Variants in SLC9A2 observed in about 807,000 individuals in gnomAD.
SLC9A2 encodes the protein sodium/hydrogen exchanger 2.
Under a neutral mutation model 71.7 loss-of-function variants are expected in SLC9A2, and 42 were observed. The ratio of observed to expected loss-of-function variants is 0.59; its 90% CI spans 0.46 to 0.76. The LOEUF is 0.76. SLC9A2 is among the 30% of genes least tolerant of loss of function. The pLI is 0.00. For synonymous variants in SLC9A2, 396 were observed against 392.5 expected (o/e 1.01, Z -0.10); for missense variants, 829 against 1,017.4 (o/e 0.81, Z 2.52).
intron 7 of SLC9A2, among the ~76,000 whole-genome samples, chr2:102,697,842 G>A (rs948471705): frequency 2.6e-5 from 4 of 151,798 alleles, no homozygotes; most frequent in African/African-American, 7.3e-5. Flanking sequence ...TCCTTATGCT[G>A]TGGATTTCCA....
intron 1 of SLC9A2, among the ~76,000 whole-genome samples, chr2:102,648,699 C>A (rs1222063323): frequency 6.6e-6 from 1 of 152,112 alleles, no homozygotes; most frequent in African/African-American, 2.4e-5. Context: ...CAATAATAGA[C>A]AGAGAGCCAA....
chr2:102,620,880 TA>T (rs1295933936), intron 1 of SLC9A2, among the ~76,000 whole-genome samples: 5 of 151,458 alleles, frequency 3.3e-5, no homozygotes, highest in Admixed American at 2.0e-4. Context: ...AGTACAAAAA[TA>T]AAAAATTGGC....
intron 1 of SLC9A2, among the ~76,000 whole-genome samples, chr2:102,651,874 A>T (rs1031112347): frequency 6.6e-6 from 1 of 152,166 alleles, no homozygotes; most frequent in African/African-American, 2.4e-5. Flanking sequence ...AATATTCTTG[A>T]TGTATAAAGG....
At chr2:102,633,390 C>T (rs997043968) in intron 1 of SLC9A2, among the ~76,000 whole-genome samples, 9 of 152,088 alleles carry the variant, frequency 5.9e-5, no homozygotes, top group Non-Finnish European at 1.2e-4. Flanking sequence ...GGTGTGGTCT[C>T]CAGCACACTT....
At chr2:102,625,326 T>C (rs558605489) in intron 1 of SLC9A2, among the ~76,000 whole-genome samples, 55 of 152,332 alleles carry the variant, frequency 3.6e-4, no homozygotes, top group African/African-American at 1.1e-3. Flanking sequence ...ATTTTTTAAA[T>C]TTTTTAAAAT....
At chr2:102,656,254 C>T (rs181123828) in intron 1 of SLC9A2, among the ~76,000 whole-genome samples, 378 of 152,294 alleles carry the variant, frequency 2.5e-3, no homozygotes, top group African/African-American at 8.8e-3. Context: ...CCCTACAGGC[C>T]TCCTCCTAAC....
chr2:102,661,520 AT>A (rs1011888296), intron 2 of SLC9A2, among the ~76,000 whole-genome samples: 1 of 151,474 alleles, frequency 6.6e-6, no homozygotes, highest in African/African-American at 2.4e-5. Flanking sequence ...TTACCTGAAC[AT>A]TTTTTTTTCT....
chr2:102,646,423 T>C (rs1245861495), intron 1 of SLC9A2, among the ~76,000 whole-genome samples: 1 of 152,150 alleles, frequency 6.6e-6, no homozygotes, highest in Non-Finnish European at 1.5e-5. Context: ...ACTAGCATCA[T>C]GATGACAGGA....
At chr2:102,629,680 T>A (rs1676320559) in intron 1 of SLC9A2, among the ~76,000 whole-genome samples, 1 of 152,134 alleles carries the variant, frequency 6.6e-6, no homozygotes, top group South Asian at 2.1e-4. Context: ...TTCTTATTTG[T>A]TTTTCATACA....
Position 102,695,043 on chromosome 2 carries a change from T to C in SLC9A2, c.1516T>C (p.Leu506=), listed in dbSNP as rs750216724. 19 of 1,613,348 alleles carry C rather than the reference T, an allele frequency of 1.2e-5. No individual in the cohort carries two copies. The Admixed American group carries it at 2.2e-4, about 18-fold the overall frequency. Residue 506 remains leucine (L), a splice_region_variant and synonymous_variant, in exon 7 of 12, where the codon TTG becomes CTG. Coordinates refer to ENST00000233969, the MANE Select transcript of SLC9A2 (RefSeq NM_003048.6). ...QAVSEEIYCR[L]FDHVKTGIED... is the part of the protein sequence containing the mutation. ...AATTTGCCTGCTTTTTCTGTTTTAG[T>C]TGTTTGATCATGTGAAGACTGGAAT...
Position 102,647,729 on chromosome 2 carries a change from C to G in SLC9A2, c.290-9835C>G, listed in dbSNP as rs186183776. Among the ~76,000 whole-genome samples, 293 of 152,246 alleles carry G rather than the reference C, an allele frequency of 1.9e-3. 1 individual carries two copies. The highest frequency in any genetic ancestry group is 5.9e-3 in the African/African-American group (247 of 41,548). On this transcript the variant is annotated intron_variant, in intron 1 of 11. Transcript: ENST00000233969. ...CTATAAACACCTCTATGCAAATAAA[C>G]TAGAAAATCTAGAAGAAATGGATAA...
chr2:102,669,969 A>G (rs1014079155), intron 3 of SLC9A2, among the ~76,000 whole-genome samples: 3 of 152,172 alleles, frequency 2.0e-5, no homozygotes, highest in Admixed American at 2.0e-4. Flanking sequence ...AAATTTTGAA[A>G]ATGGCTAACT....
intron 1 of SLC9A2, among the ~76,000 whole-genome samples, chr2:102,636,076 A>G (rs1044661991): frequency 3.9e-5 from 6 of 152,188 alleles, no homozygotes; most frequent in African/African-American, 1.4e-4. Context: ...AATGGAACGT[A>G]ATAATTATGA....
intron 10 of SLC9A2, among the ~76,000 whole-genome samples, chr2:102,705,227 A>G (rs1677951996): frequency 1.3e-5 from 2 of 151,878 alleles, no homozygotes; most frequent in East Asian, 1.9e-4. Context: ...TAATAATAAT[A>G]TTGTGATATA....
intron 1 of SLC9A2, among the ~76,000 whole-genome samples, chr2:102,642,065 T>TAATAATAAC (rs891847172): frequency 6.9e-6 from 1 of 145,082 alleles, no homozygotes; most frequent in African/African-American, 2.5e-5. Context: ...ATAATAATAA[T>TAATAATAAC]AAAGAAATAC....
At chr2:102,682,462 G>A (rs1677471947) in intron 3 of SLC9A2, among the ~76,000 whole-genome samples, 1 of 152,200 alleles carries the variant, frequency 6.6e-6, no homozygotes, top group African/African-American at 2.4e-5. Context: ...GGAAGTGTGT[G>A]AAGAGCTTCA....
Position 102,702,403 on chromosome 2 carries a change from C to T in SLC9A2, c.1749-3C>T. 1 of 1,521,998 alleles carries T rather than the reference C, an allele frequency of 6.6e-7. No homozygotes were observed. 94.3% of individuals were successfully genotyped at this position (1,521,998 alleles called of 1,614,324 possible). On this transcript the variant is annotated splice_region_variant and splice_polypyrimidine_tract_variant and intron_variant, in intron 8 of 11. Transcript: ENST00000233969. ...AAAATATTCTTTTTCTAAACTTTCACAGTGATTGTCGTGAAGAAAAAATAA... is the reference window on the plus strand; with the variant it reads ...AAAATATTCTTTTTCTAAACTTTCATAGTGATTGTCGTGAAGAAAAAATAA...
intron 1 of SLC9A2, among the ~76,000 whole-genome samples, chr2:102,636,463 G>A (rs899570082): frequency 7.9e-5 from 12 of 152,154 alleles, no homozygotes; most frequent in Non-Finnish European, 1.5e-4. Context: ...TTTGATCTAC[G>A]TATTTTGAGC....
In SLC9A2 at chr2:102,702,516, A is replaced by G. The variant is rs775363727; in HGVS notation, c.1845+14A>G. 1 of 1,433,160 alleles carries G rather than the reference A, an allele frequency of 7.0e-7. No homozygotes were observed. The highest frequency in any genetic ancestry group is 2.3e-5 in the East Asian group (1 of 43,136). The allele number at this position is 1,433,160 out of a possible 1,614,324, so 88.8% of individuals were successfully genotyped here. ...ATCCGTCAGCGAGTAAGAATAATTTATGTAGCAAAATATTTACTTACCTTT... is the reference window on the plus strand; with the variant it reads ...ATCCGTCAGCGAGTAAGAATAATTTGTGTAGCAAAATATTTACTTACCTTT... On this transcript the variant is annotated intron_variant, in intron 9 of 11. Transcript: ENST00000233969.
Sources: allele counts gnomAD v4.1 joint callset (sites outside exome capture counted in the v4.1 genomes callset), GRCh38; gene constraint gnomAD v4.1.1; transcripts MANE v1.5; gene names NCBI Gene and HGNC (gene_info 2026-07-23, HGNC 2026-07-21).